Variants in DDX19B observed in about 807,000 individuals in gnomAD.
DDX19B encodes DEAD-box helicase 19B, also known as ATP-dependent RNA helicase DDX19B.
In DDX19B, 27 loss-of-function variants were observed where a neutral mutation model predicts 58.1. The observed-to-expected ratio is 0.46, with a 90% CI of 0.34 to 0.64. The LOEUF (loss-of-function observed/expected upper bound fraction) is 0.64, where lower values mean the gene tolerates loss of function less well. Ranked by LOEUF, DDX19B falls within the 30% of genes least tolerant of loss-of-function variation. DDX19B has a pLI of 0.01. For synonymous variants in DDX19B, 187 were observed against 214.4 expected (o/e 0.87, Z 1.12); for missense variants, 399 against 596.5 (o/e 0.67, Z 3.45).
At position 70,317,808 on chromosome 16, in the gene DDX19B, G is replaced by T. The variant is rs578221710; in HGVS notation, c.389+220G>T. ...AAACGTTATAAACTTGGCCAGGCAT[G>T]GTGGCATGCAGCTGTAGTCCCAGCT... On this transcript the variant is annotated intron_variant, in intron 5 of 11. Coordinates refer to ENST00000288071, the MANE Select transcript of DDX19B (RefSeq NM_007242.7). 70 of 322,096 alleles carry T rather than the reference G, an allele frequency of 2.2e-4. No individual in the cohort carries two copies. The East Asian group carries it at 4.3e-3, about 20-fold the overall frequency. 20.0% of individuals were successfully genotyped at this position (322,096 alleles called of 1,614,324 possible). A position where few individuals can be genotyped will look rare whatever the true frequency, so the allele number is the denominator to read the frequency against.
intron 10 of DDX19B, 65 bp from the exon 11 acceptor site, chr16:70,332,903 T>G (rs1963551035): frequency 6.2e-7 from 1 of 1,613,854 alleles, no homozygotes; most frequent in Non-Finnish European, 8.5e-7. Flanking sequence ...ATTGTATGGA[T>G]GGACCACATG....
At chr16:70,333,310 C>T in intron 11 of DDX19B, 151 bp downstream of exon 11, 1 of 1,221,288 alleles carries the variant, frequency 8.2e-7, no homozygotes, top group South Asian at 1.5e-5. Context: ...AGGGAGCACA[C>T]CTGGAGACTT....
At chr16:70,318,361 G>A (rs550260265) in intron 5 of DDX19B, among the ~76,000 whole-genome samples, 9 of 145,658 alleles carry the variant, frequency 6.2e-5, no homozygotes, top group South Asian at 2.2e-4. Flanking sequence ...GCAACAGAGT[G>A]AGACTCCATC....
chr16:70,307,357 CTTTT>C (rs965098371), intron 1 of DDX19B, among the ~76,000 whole-genome samples: 1 of 152,072 alleles, frequency 6.6e-6, no homozygotes, highest in Non-Finnish European at 1.5e-5. Flanking sequence ...AATAATATGT[CTTTT>C]TTTATTTTTT....
intron 5 of DDX19B, among the ~76,000 whole-genome samples, chr16:70,320,960 CT>C (rs904476486): frequency 0.061 from 6,612 of 108,582 alleles, 163 homozygotes; most frequent in East Asian, 0.21. Context: ...CCACACTAGG[CT>C]TTTTTTTTTT....
In DDX19B at chr16:70,323,304, G is replaced by A. The variant is rs571994762; in HGVS notation, c.390-1281G>A. 8.5e-5 allele frequency among the ~76,000 whole-genome samples: 13 copies of A among 152,078 alleles called. No homozygotes were observed. In the South Asian group the frequency reaches 2.3e-3, roughly 27 times the overall value. The stretch of plus-strand genomic sequence containing the variant: ...GTATCTTTTGTAGAGAAAGGGTTTC[G>A]GTATTTTGCCCAGGCTGGTCTCAAA... On this transcript the variant is annotated intron_variant, in intron 5 of 11. Transcript: ENST00000288071.
At chr16:70,295,189 G>A, upstream of DDX19B, 2 of 735,462 alleles carry the variant, frequency 2.7e-6, no homozygotes, top group South Asian at 6.4e-5. Flanking sequence ...TTCCACGCCC[G>A]CTTTGGAAAC....
chr16:70,320,630 C>T (rs1962725811), intron 5 of DDX19B, among the ~76,000 whole-genome samples: 1 of 151,716 alleles, frequency 6.6e-6, no homozygotes, highest in South Asian at 2.1e-4. Flanking sequence ...TCACTGTAAC[C>T]ACCACCTCCC....
upstream of DDX19B, among the ~76,000 whole-genome samples, chr16:70,295,620 C>G (rs1443118484): frequency 6.6e-6 from 1 of 151,940 alleles, no homozygotes; most frequent in Non-Finnish European, 1.5e-5. Flanking sequence ...TCAATTGGAC[C>G]TTAGTAATTT....
rs545473837 is a variant in DDX19B, at chr16:70,316,158, T to C, written c.296+54T>C. The C allele has an allele frequency of 3.1e-6, 5 of 1,608,818 alleles. No individual in the cohort carries two copies. In the South Asian group the frequency reaches 5.5e-5, roughly 18 times the overall value. On this transcript the variant is annotated intron_variant, in intron 4 of 11. Transcript: ENST00000288071. ...CCCCTTTGCACTGAAATAGAGATCC[T>C]AGGTCTGTTATAGATATCTTTTGAC...
chr16:70,312,703 G>A, intron 2 of DDX19B, 46 bp downstream of exon 2: 1 of 1,556,862 alleles, frequency 6.4e-7, no homozygotes. Flanking sequence ...ATTTCCTTCA[G>A]TATTTTTGTT....
Position 70,314,696 on chromosome 16 carries a change from C to CTATA in DDX19B, c.107-194_107-191dup, listed in dbSNP as rs71667182. 101 of 254,472 alleles carry CTATA rather than the reference C, an allele frequency of 4.0e-4. No homozygotes were observed. In the Middle Eastern group the frequency reaches 6.5e-3, roughly 16 times the overall value. 15.8% of individuals were successfully genotyped at this position (254,472 alleles called of 1,614,324 possible). A position where few individuals can be genotyped will look rare whatever the true frequency, so the allele number is the denominator to read the frequency against. ...AATAAATAATAAAATAAATATCTAT[C>CTATA]TATATATATATATATGTGAGCAACA... On this transcript the variant is annotated intron_variant, in intron 2 of 11. Transcript: ENST00000288071.
intron 1 of DDX19B, among the ~76,000 whole-genome samples, chr16:70,311,692 A>G (rs1276844596): frequency 1.3e-5 from 2 of 152,132 alleles, no homozygotes; most frequent in Non-Finnish European, 2.9e-5. Flanking sequence ...AGTGTGCCAC[A>G]ATGCTTCAGG....
intron 5 of DDX19B, among the ~76,000 whole-genome samples, chr16:70,319,985 G>A (rs922181447): frequency 6.6e-6 from 1 of 152,142 alleles, no homozygotes; most frequent in Admixed American, 6.6e-5. Flanking sequence ...TTCTCCAGAT[G>A]GATAGTGTCT....
intron 9 of DDX19B, among the ~76,000 whole-genome samples, chr16:70,331,139 T>C (rs1963460493): frequency 6.6e-6 from 1 of 152,216 alleles, no homozygotes; most frequent in Admixed American, 6.5e-5. Flanking sequence ...TACAGTGGCA[T>C]GGTCATAGCT....
At position 70,335,175 on chromosome 16, in the gene DDX19B, C is replaced by T. The variant is rs1284932256; in HGVS notation, c.*1593C>T. 2.0e-5 allele frequency: 3 copies of T among 152,222 alleles called. No individual in the cohort carries two copies. The highest frequency in any genetic ancestry group is 7.2e-5 in the African/African-American group (3 of 41,462). 9.4% of individuals were successfully genotyped at this position (152,222 alleles called of 1,614,324 possible). On this transcript the variant is annotated 3_prime_UTR_variant, in exon 12 of 12. Transcript: ENST00000288071. The stretch of plus-strand genomic sequence containing the variant: ...TCTATGCTTCTGGTCAACTCTGACA[C>T]ATCTTGGAATTCTTGTAATAAGAAA...
intron 5 of DDX19B, among the ~76,000 whole-genome samples, chr16:70,320,967 T>C (rs1962761813): frequency 6.7e-6 from 1 of 149,920 alleles, no homozygotes; most frequent in Non-Finnish European, 1.5e-5. Flanking sequence ...AGGCTTTTTT[T>C]TTTTTTTTTT....
intron 1 of DDX19B, among the ~76,000 whole-genome samples, chr16:70,309,331 T>C (rs1332635942): frequency 6.6e-6 from 1 of 150,734 alleles, no homozygotes; most frequent in Non-Finnish European, 1.5e-5. Flanking sequence ...CCGTCTCTAC[T>C]AAAAATATAA....
chr16:70,297,468 C>G (rs1211090836), upstream of DDX19B, among the ~76,000 whole-genome samples: 1 of 152,212 alleles, frequency 6.6e-6, no homozygotes, highest in Non-Finnish European at 1.5e-5. Flanking sequence ...CCACCTTGGC[C>G]TCCCAAAGTG....
Sources: gnomAD v4.1 joint callset for allele counts (sites outside exome capture counted in the v4.1 genomes callset) on GRCh38, gnomAD v4.1.1 for gene constraint, MANE v1.5 for transcripts, NCBI Gene and HGNC (gene_info 2026-07-23, HGNC 2026-07-21) for gene names.